CREB1: variants seen among roughly 807,000 people sequenced by gnomAD.
The protein encoded by CREB1 is cyclic AMP-responsive element-binding protein 1.
CREB1 carries 2 observed loss-of-function variants against 42.0 expected under a neutral mutation model. The observed-to-expected ratio is 0.05, with a 90% confidence interval of 0.02 to 0.15. CREB1 has a LOEUF of 0.15. CREB1 is among the 10% of genes least tolerant of loss of function. The pLI, the probability that CREB1 is intolerant of heterozygous loss-of-function variation, is 1.00. For missense variants in CREB1, 199 were observed against 388.9 expected (o/e 0.51, Z 4.11); for synonymous variants, 123 against 139.9 (o/e 0.88, Z 0.85).
rs35856558 is a variant in CREB1 at position 207,601,853 on chromosome 2, CTT to C, written c.*4799_*4800del. 5.9e-4 allele frequency: 128 copies of C among 217,786 alleles called. No individual in the cohort carries two copies. Among genetic ancestry groups the C allele is most frequent in the Non-Finnish European group, 9.3e-4 (101 of 108,436 alleles). 13.5% of individuals were successfully genotyped at this position (217,786 alleles called of 1,614,324 possible). Reference sequence around the variant, plus strand: ...TCAGTTGTACAAAGCACAACTAGAACTTTTTGTTGGGAGGCTTACATACATCT... The same window carrying C: ...TCAGTTGTACAAAGCACAACTAGAACTTTGTTGGGAGGCTTACATACATCT... On this transcript the variant is annotated 3_prime_UTR_variant, in exon 8 of 8. Transcript: ENST00000353267.
At chr2:207,584,369 GAT>G (rs924766035) in intron 7 of CREB1, among the ~76,000 whole-genome samples, 2 of 151,578 alleles carry the variant, frequency 1.3e-5, no homozygotes, top group East Asian at 3.9e-4. Flanking sequence ...TGGTATAATG[GAT>G]ATCTTATGGT....
intron 7 of CREB1, among the ~76,000 whole-genome samples, chr2:207,594,756 T>C (rs1301916972): frequency 3.3e-5 from 5 of 152,194 alleles, no homozygotes; most frequent in Admixed American, 2.0e-4. Context: ...TGCTGGATCA[T>C]ATGGTAAATT....
intron 5 of CREB1, among the ~76,000 whole-genome samples, chr2:207,572,463 AAC>A (rs1432612764): frequency 2.6e-5 from 4 of 152,194 alleles, no homozygotes; most frequent in Non-Finnish European, 5.9e-5. Context: ...TAGATATATA[AAC>A]ACACATAGTT....
chr2:207,555,664 A>T lies in CREB1; in HGVS notation c.29A>T (p.Gln10Leu). 6.2e-7 allele frequency: 1 copy of T among 1,613,372 alleles called. No homozygotes were observed. The highest frequency in any genetic ancestry group is 8.5e-7 in the Non-Finnish European group (1 of 1,179,512). MTMESGAEN[Q>L]QSGDAAVTEA... ...ACCATGGAATCTGGAGCCGAGAACC[A>T]GCAGAGTGGAGATGCAGCTGTAACA... The change falls in exon 2 of 8, where the codon CAG becomes CTG. Residue 10 changes from glutamine (Q) to leucine (L), a missense_variant. Coordinates refer to ENST00000353267, the MANE Select transcript of CREB1 (RefSeq NM_004379.5).
At chr2:207,564,267 C>A (rs1300984261) in intron 3 of CREB1, among the ~76,000 whole-genome samples, 1 of 151,988 alleles carries the variant, frequency 6.6e-6, no homozygotes, top group Non-Finnish European at 1.5e-5. Context: ...GGCCTATAAT[C>A]CCAGCCCAGG....
chr2:207,536,835 G>A (rs2080893277), intron 1 of CREB1, among the ~76,000 whole-genome samples: 1 of 151,558 alleles, frequency 6.6e-6, no homozygotes, highest in Non-Finnish European at 1.5e-5. Flanking sequence ...ACTAAAAATA[G>A]AAGAATTATC....
At position 207,605,602 on chromosome 2, in the gene CREB1, T is replaced by C. The variant is rs958578784; in HGVS notation, c.*8544T>C. On this transcript the variant is annotated 3_prime_UTR_variant, in exon 8 of 8. Transcript: ENST00000353267. ...TGTTTTTTGTGACAGTCTGTGCATA[T>C]ATACACAAATATAATGTATGTTCTC... Among the ~76,000 whole-genome samples the C allele has an allele frequency of 5.3e-5, 8 of 152,358 alleles. No homozygotes were observed. The highest frequency in any genetic ancestry group is 1.9e-4 in the African/African-American group (8 of 41,586).
intron 7 of CREB1, among the ~76,000 whole-genome samples, chr2:207,595,644 A>C (rs115190282): frequency 6.6e-6 from 1 of 151,976 alleles, no homozygotes; most frequent in Non-Finnish European, 1.5e-5. Flanking sequence ...GCTCACTGCA[A>C]CCTAAGACCT....
chr2:207,557,931 A>AC (rs2081796244), intron 2 of CREB1, among the ~76,000 whole-genome samples: 1 of 152,224 alleles, frequency 6.6e-6, no homozygotes, highest in South Asian at 2.1e-4. Flanking sequence ...TTCAAATATT[A>AC]CAAGAGCATT....
intron 4 of CREB1, chr2:207,568,125 G>C (rs2082211068): frequency 6.6e-6 from 1 of 151,892 alleles, no homozygotes; most frequent in South Asian, 2.1e-4. Context: ...CTTCAGGAAG[G>C]GCAGTTCCAT....
chr2:207,550,240 C>T (rs2081452473), intron 1 of CREB1: 2 of 151,860 alleles, frequency 1.3e-5, no homozygotes, highest in Non-Finnish European at 2.9e-5. Flanking sequence ...TCCTTAAATC[C>T]CTGGAATTTT....
chr2:207,600,869 A>C lies in CREB1; in HGVS notation c.*3811A>C. The stretch of plus-strand genomic sequence containing the variant: ...ATCATACAAAGGCTTAGGAAGAAAT[A>C]CGTTTGTTTAAACCAGGATGCTTTA... On this transcript the variant is annotated 3_prime_UTR_variant, in exon 8 of 8. Transcript: ENST00000353267. 1 of 204,174 alleles carries C rather than the reference A, an allele frequency of 4.9e-6. No homozygotes were observed. Among genetic ancestry groups the C allele is most frequent in the East Asian group, 7.5e-5 (1 of 13,400 alleles). 12.6% of individuals were successfully genotyped at this position (204,174 alleles called of 1,614,324 possible).
chr2:207,530,692 A>G (rs1380006613), intron 1 of CREB1, among the ~76,000 whole-genome samples: 1 of 151,490 alleles, frequency 6.6e-6, no homozygotes, highest in Non-Finnish European at 1.5e-5. Flanking sequence ...AGTTGAGGGC[A>G]GAGGAGGTGA....
chr2:207,543,190 A>C (rs1323996513), intron 1 of CREB1, among the ~76,000 whole-genome samples: 1 of 152,214 alleles, frequency 6.6e-6, no homozygotes, highest in Non-Finnish European at 1.5e-5. Context: ...AGCATGCAGC[A>C]AATTCAAGCT....
chr2:207,570,103 C>A, intron 4 of CREB1, 76 bp from the exon 5 acceptor site: 4 of 960,416 alleles, frequency 4.2e-6, no homozygotes, highest in Non-Finnish European at 5.9e-6. Flanking sequence ...TGAGTTTTCT[C>A]ATCTTTAACT....
intron 1 of CREB1, among the ~76,000 whole-genome samples, chr2:207,531,432 T>A (rs1186282106): frequency 6.6e-6 from 1 of 152,252 alleles, no homozygotes; most frequent in Non-Finnish European, 1.5e-5. Flanking sequence ...CTGTATTTTT[T>A]CTTCGCCTGT....
chr2:207,570,234 G>C lies in CREB1; in HGVS notation c.418G>C (p.Glu140Gln). 1 of 1,613,652 alleles carries C rather than the reference G, an allele frequency of 6.2e-7. No homozygotes were observed. The highest frequency in any genetic ancestry group is 1.1e-5 in the South Asian group (1 of 91,020). Residue 140 changes from glutamate (E) to glutamine (Q), a missense_variant, in exon 5 of 8, where the codon GAG (glutamate) becomes CAG (glutamine). Coordinates refer to ENST00000353267, the MANE Select transcript of CREB1 (RefSeq NM_004379.5). ...DAPGVPRIEE[E>Q]KSEEETSAPA... ...ACCAGGAGTGCCAAGGATTGAAGAA[G>C]AGAAGTCTGAAGAGGAGACTTCAGC...
intron 1 of CREB1, among the ~76,000 whole-genome samples, chr2:207,546,995 A>G (rs1352067609): frequency 6.6e-6 from 1 of 152,166 alleles, no homozygotes; most frequent in Non-Finnish European, 1.5e-5. Flanking sequence ...ATTTTTTGTA[A>G]TATTGGAGGC....
rs2087904377 is a variant in CREB1, at chr2:207,605,314, G to T, written c.*8256G>T. On this transcript the variant is annotated 3_prime_UTR_variant, in exon 8 of 8. Coordinates refer to ENST00000353267, the MANE Select transcript of CREB1 (RefSeq NM_004379.5). ...GATTTGCATTTCCCTGATTACTAAT[G>T]ATGTGGAGCATCTTTTGTTGTCTTT... 6.6e-6 allele frequency among the ~76,000 whole-genome samples: 1 copy of T among 152,180 alleles called. No homozygotes were observed. The highest frequency in any genetic ancestry group is 2.4e-5 in the African/African-American group (1 of 41,440).
Sources: gnomAD v4.1 joint callset for allele counts (sites outside exome capture counted in the v4.1 genomes callset) on GRCh38, gnomAD v4.1.1 for gene constraint, MANE v1.5 for transcripts, NCBI Gene and HGNC (gene_info 2026-07-23, HGNC 2026-07-21) for gene names.